Variants in TOPAZ1 observed in about 807,000 individuals in gnomAD.
The protein encoded by TOPAZ1 is testis and ovary specific TOPAZ 1.
Under a neutral mutation model 172.2 loss-of-function variants are expected in TOPAZ1, and 66 were observed. The ratio of observed to expected loss-of-function variants is 0.38; its 90% CI spans 0.31 to 0.47. The LOEUF (loss-of-function observed/expected upper bound fraction) is 0.47. TOPAZ1 is among the 20% of genes least tolerant of loss of function. The pLI, the probability that TOPAZ1 is intolerant of heterozygous loss-of-function variation, is 0.99. For missense variants in TOPAZ1, 1,822 were observed against 1,972.4 expected (o/e 0.92, Z 1.44); for synonymous variants, 681 against 683.9 (o/e 1.00, Z 0.07).
At chr3:44,336,013 T>G (rs1398518778), downstream of TOPAZ1, among the ~76,000 whole-genome samples, 1 of 152,228 alleles carries the variant, frequency 6.6e-6, no homozygotes, top group Non-Finnish European at 1.5e-5. Flanking sequence ...ACCCCAAAAT[T>G]GAACCCTTTG....
intron 2 of TOPAZ1, among the ~76,000 whole-genome samples, chr3:44,247,690 A>T (rs1340837598): frequency 6.6e-6 from 1 of 152,110 alleles, no homozygotes; most frequent in Admixed American, 6.5e-5. Flanking sequence ...TTGCTCTGTC[A>T]CCCAGGCTGG....
chr3:44,256,871 A>G (rs1410351684), intron 4 of TOPAZ1, among the ~76,000 whole-genome samples: 1 of 152,188 alleles, frequency 6.6e-6, no homozygotes, highest in Non-Finnish European at 1.5e-5. Flanking sequence ...GAGGCTAAGT[A>G]GATTGACTTA....
At chr3:44,251,122 T>G (rs1034489516) in intron 2 of TOPAZ1, among the ~76,000 whole-genome samples, 1 of 151,266 alleles carries the variant, frequency 6.6e-6, no homozygotes, top group Admixed American at 6.6e-5. Context: ...TTTTCTCTCT[T>G]TTTTTTTTCT....
chr3:44,261,660 A>G (rs1699776971), intron 4 of TOPAZ1, among the ~76,000 whole-genome samples: 1 of 152,122 alleles, frequency 6.6e-6, no homozygotes, highest in Non-Finnish European at 1.5e-5. Context: ...TTTCATATGA[A>G]TTTTAAAATA....
At chr3:44,286,214 C>T (rs1023545346) in intron 9 of TOPAZ1, among the ~76,000 whole-genome samples, 2 of 151,778 alleles carry the variant, frequency 1.3e-5, no homozygotes, top group Non-Finnish European at 2.9e-5. Context: ...TACTCTGTCT[C>T]AAAAAAATAA....
At position 44,321,061 on chromosome 3, in the gene TOPAZ1, T is replaced by C; in HGVS notation, c.4341T>C (p.Pro1447=). The change falls in exon 17 of 20, where the codon CCT becomes CCC. Residue 1447 remains proline (P), a synonymous_variant. Transcript: ENST00000309765. The stretch of plus-strand genomic sequence containing the variant: ...GGATAATCAATACGCCTCTGTGGCC[T>C]TGTGATAGACTGGATGTGCTTAATC... ...SEWIINTPLW[P]CDRLDVLNRH... The C allele has an allele frequency of 6.5e-7, 1 of 1,549,552 alleles. No individual in the cohort carries two copies. The highest frequency in any genetic ancestry group is 1.4e-5 in the African/African-American group (1 of 73,070).
At chr3:44,298,539 A>G (rs1193616086) in intron 12 of TOPAZ1, among the ~76,000 whole-genome samples, 1 of 152,106 alleles carries the variant, frequency 6.6e-6, no homozygotes, top group Non-Finnish European at 1.5e-5. Flanking sequence ...TCAAGTAATT[A>G]AGAAAGTATG....
intron 4 of TOPAZ1, among the ~76,000 whole-genome samples, chr3:44,259,459 T>C (rs936602916): frequency 1.3e-5 from 2 of 152,252 alleles, no homozygotes; most frequent in Non-Finnish European, 2.9e-5. Context: ...CCTTTCAATG[T>C]ATGTAATGAT....
At chr3:44,332,798 GT>G (rs10708146), downstream of TOPAZ1, among the ~76,000 whole-genome samples, 121,309 of 148,448 alleles carry the variant, frequency 0.82, 49,370 homozygotes, top group Middle Eastern at 0.89. Context: ...GGGACTGAAA[GT>G]TTTTTTTTTT....
intron 19 of TOPAZ1, among the ~76,000 whole-genome samples, chr3:44,328,917 G>A (rs1320984594): frequency 6.6e-6 from 1 of 152,184 alleles, no homozygotes; most frequent in South Asian, 2.1e-4. Flanking sequence ...CTGTACCAGA[G>A]TGACACCCTT....
At chr3:44,326,859 G>GA (rs200287522) in intron 18 of TOPAZ1, among the ~76,000 whole-genome samples, 340 of 148,464 alleles carry the variant, frequency 2.3e-3, no homozygotes, top group African/African-American at 6.7e-3. Context: ...CATTTTGAGT[G>GA]AAAAAAAAAA....
At position 44,257,352 on chromosome 3, in the gene TOPAZ1, G is replaced by GGGGT. The variant is rs1264696203; in HGVS notation, c.2955+1075_2955+1076insGGTG. 2.1e-3 allele frequency among the ~76,000 whole-genome samples: 234 copies of GGGGT among 110,412 alleles called. 1 individual carries two copies. The highest frequency in any genetic ancestry group is 4.4e-3 in the Middle Eastern group (1 of 228). 72.4% of individuals were successfully genotyped at this position (110,412 alleles called of 152,430 possible). On this transcript the variant is annotated intron_variant, in intron 4 of 19. Coordinates refer to ENST00000309765, the MANE Select transcript of TOPAZ1 (RefSeq NM_001145030.2). ...CCTGTCTCAAAAAAGAAAACATAGGGGTGTGTGTGTGTGTGTGTGTGTGTG... is the reference window on the plus strand; with the variant it reads ...CCTGTCTCAAAAAAGAAAACATAGGGGGGTGTGTGTGTGTGTGTGTGTGTGTGTG...
Position 44,323,167 on chromosome 3 carries a change from G to T in TOPAZ1, c.4547G>T (p.Gly1516Val), listed in dbSNP as rs2125705491. 6.5e-7 allele frequency: 1 copy of T among 1,550,114 alleles called. No homozygotes were observed. The highest frequency in any genetic ancestry group is 1.7e-4 in the Middle Eastern group (1 of 5,988). Residue 1516 changes from glycine to valine, a missense_variant, in exon 18 of 20, where the codon GGT (glycine) becomes GTT (valine). Gly to Val is a moderately radical substitution (Grantham distance 109). This residue lies in a region of TOPAZ1 where 333 missense variants were observed against 481.7 expected (regional missense o/e 0.69). Transcript: ENST00000309765. ...TCCTGTATAGAAAGCAGTAGTCTTG[G>T]TATGTCATCCTCTGTGGCAGAATTC... is the stretch of plus-strand genomic sequence containing the variant. Reference protein sequence around the residue: ...LGSCIESSSLGMSSSVAEFMI... With the variant: ...LGSCIESSSLVMSSSVAEFMI...
chr3:44,328,122 AT>A, intron 18 of TOPAZ1, 127 bp from the exon 19 acceptor site: 2 of 553,490 alleles, frequency 3.6e-6, no homozygotes, highest in South Asian at 6.3e-5. Context: ...CTATCATGTA[AT>A]TTGTTAATCT....
rs566167560 is a variant in TOPAZ1, at chr3:44,308,670, T to C, written c.4141-1155T>C. Among the ~76,000 whole-genome samples, 15 of 152,104 alleles carry C rather than the reference T, an allele frequency of 9.9e-5. No homozygotes were observed. In the South Asian group the frequency reaches 2.9e-3, roughly 29 times the overall value. ...CTGATTTTGCTGAAATTTTAGAGTA[T>C]ATTTTAATTTTATTTGGTTATTATT... On this transcript the variant is annotated intron_variant, in intron 15 of 19. Transcript: ENST00000309765.
chr3:44,270,171 G>A (rs757291944), intron 7 of TOPAZ1, among the ~76,000 whole-genome samples: 5 of 152,164 alleles, frequency 3.3e-5, no homozygotes, highest in African/African-American at 4.8e-5. Context: ...TCTGTCATTT[G>A]CCTTGTTCTA....
chr3:44,280,576 A>G (rs1223510282), intron 8 of TOPAZ1, among the ~76,000 whole-genome samples: 1 of 152,088 alleles, frequency 6.6e-6, no homozygotes, highest in Non-Finnish European at 1.5e-5. Flanking sequence ...TCGAACTCCT[A>G]GACTCAAGCA....
In TOPAZ1 at chr3:44,243,709, A is replaced by T. The variant is rs1283875332; in HGVS notation, c.1203A>T (p.Thr401=). The change falls in exon 2 of 20, where the codon ACA becomes ACT. Residue 401 remains threonine, a synonymous_variant. Transcript: ENST00000309765. ...ATCATTTATTAAGTGTCCCAGAAAC[A>T]GTAGAAAAAGAAACAAGTTCTGAAC... ...LMDHLLSVPE[T]VEKETSSEHH... The T allele has an allele frequency of 1.3e-6, 2 of 1,550,668 alleles. No individual in the cohort carries two copies. The highest frequency in any genetic ancestry group is 2.7e-5 in the African/African-American group (2 of 73,060).
intron 4 of TOPAZ1, among the ~76,000 whole-genome samples, chr3:44,261,082 C>T (rs1485804153): frequency 1.3e-5 from 2 of 151,604 alleles, no homozygotes; most frequent in African/African-American, 4.9e-5. Flanking sequence ...TTTGGTGGTT[C>T]TCTCTCTTGT....
Sources: gnomAD v4.1 joint callset for allele counts (sites outside exome capture counted in the v4.1 genomes callset) on GRCh38, gnomAD v4.1.1 for gene constraint, gnomAD v4.1.1 regional missense constraint, MANE v1.5 for transcripts, NCBI Gene and HGNC (gene_info 2026-07-23, HGNC 2026-07-21) for gene names.